WDR72: variants seen among roughly 807,000 people sequenced by gnomAD.
The protein encoded by WDR72 is WD repeat domain 72.
WDR72 carries 120 observed loss-of-function variants against 124.2 expected under a neutral mutation model. The ratio of observed to expected loss-of-function variants is 0.97; its 90% CI spans 0.83 to 1.12. The LOEUF is 1.12. Ranked by LOEUF, WDR72 falls within the 50% of genes most tolerant of loss-of-function variation. The pLI, the probability that WDR72 is intolerant of heterozygous loss-of-function variation, is 0.00. For synonymous variants in WDR72, 452 were observed against 441.7 expected, an observed-to-expected ratio of 1.02 and a Z score of -0.29; for missense variants, 1,387 against 1,278.8, an observed-to-expected ratio of 1.08 and a Z score of -1.29.
chr15:53,709,668 C>G (rs1365489924), intron 9 of WDR72, among the ~76,000 whole-genome samples: 1 of 152,168 alleles, frequency 6.6e-6, no homozygotes, highest in African/African-American at 2.4e-5. Context: ...GACAGCAAAA[C>G]AGGAACCTAT....
intron 16 of WDR72, among the ~76,000 whole-genome samples, chr15:53,612,462 G>A (rs773633614): frequency 1.1e-4 from 17 of 152,074 alleles, no homozygotes; most frequent in Admixed American, 7.2e-4. Context: ...GTAGCGGGTG[G>A]AGGGTGAGCA....
At position 53,714,640 on chromosome 15, in the gene WDR72, T is replaced by A. The variant is rs977953727; in HGVS notation, c.515-130A>T. On this transcript the variant is annotated intron_variant, in intron 5 of 19. Transcript: ENST00000360509. ...AAAATTTTCAGCTTTGGAGTTACTT[T>A]TTAACTAGAAAAAATAAACATTTTA... is the stretch of plus-strand genomic sequence containing the variant. 26 of 698,084 alleles carry A rather than the reference T, an allele frequency of 3.7e-5. No homozygotes were observed. In the African/African-American group the frequency reaches 4.5e-4, roughly 12 times the overall value. 43.2% of individuals were successfully genotyped at this position (698,084 alleles called of 1,614,324 possible). A position where few individuals can be genotyped will look rare whatever the true frequency, so the allele number is the denominator to read the frequency against.
Position 53,701,521 on chromosome 15 carries a change from A to G in WDR72, c.1569+613T>C, listed in dbSNP as rs1166150129. ...ACGCCACTGTACTCCAGCCTGGATG[A>G]CAAAGTGAGACCCTGTCTCTCTCTC... On this transcript the variant is annotated intron_variant, in intron 12 of 19. Coordinates refer to ENST00000360509, the MANE Select transcript of WDR72 (RefSeq NM_182758.4). 2.2e-5 allele frequency among the ~76,000 whole-genome samples: 3 copies of G among 133,386 alleles called. No homozygotes were observed. The East Asian group carries it at 7.6e-4, about 34-fold the overall frequency. The allele number at this position is 133,386 out of a possible 152,430, so 87.5% of individuals were successfully genotyped here.
chr15:53,517,764 AAGC>A lies in WDR72; in HGVS notation c.3254-13_3254-11del. 1 of 1,612,752 alleles carries A rather than the reference AAGC, an allele frequency of 6.2e-7. No homozygotes were observed. Among genetic ancestry groups the A allele is most frequent in the Non-Finnish European group, 8.5e-7 (1 of 1,179,036 alleles). On this transcript the variant is annotated splice_polypyrimidine_tract_variant and intron_variant, in intron 19 of 19. Coordinates refer to ENST00000360509, the MANE Select transcript of WDR72 (RefSeq NM_182758.4). ...TGATGCCTTGGCTCACCTAGGAAAA[AAGC>A]AGATATCTTGGGTTATATGGTGAAA...
rs748071632 is a variant in WDR72, at chr15:53,699,815, G to A, written c.1700C>T (p.Pro567Leu). ...TCCAACAATTAAAAAATTCTCAACC[G>A]GGTGCCATTTTATCATCCTCACAGG... ...LFPVRMIKWH[P>L]VENFLIVGCA... Residue 567 changes from proline (P) to leucine (L), a missense_variant, in exon 13 of 20, where the codon CCG (proline) becomes CTG (leucine). Coordinates refer to ENST00000360509, the MANE Select transcript of WDR72 (RefSeq NM_182758.4). 1.1e-5 allele frequency: 18 copies of A among 1,613,858 alleles called. No homozygotes were observed. The highest frequency in any genetic ancestry group is 3.3e-5 in the Admixed American group (2 of 59,986).
At chr15:53,641,610 G>C (rs529029893) in intron 14 of WDR72, among the ~76,000 whole-genome samples, 3 of 151,828 alleles carry the variant, frequency 2.0e-5, no homozygotes, top group Non-Finnish European at 4.4e-5. Flanking sequence ...CTTGCTCTCT[G>C]GGACTATATC....
intron 14 of WDR72, 92 bp downstream of exon 14, chr15:53,665,480 C>CTA: frequency 7.1e-7 from 1 of 1,411,416 alleles, no homozygotes; most frequent in Non-Finnish European, 1.0e-6. Flanking sequence ...TGTTTTCATG[C>CTA]TGATACTTAA....
rs2614221 is a variant in WDR72, at chr15:53,733,399, T to A, written c.-12-238A>T. Among the ~76,000 whole-genome samples, 9,385 of 152,194 alleles carry A rather than the reference T, an allele frequency of 0.062. 992 individuals carry two copies. Among genetic ancestry groups the A allele is most frequent in the African/African-American group, 0.21 (8,900 of 41,456 alleles). ...CTTATCTTCGAATTCCTTATTATTG[T>A]TGAAGAGAAAGAAAGGAATGGTCTA... On this transcript the variant is annotated intron_variant, in intron 1 of 19. Transcript: ENST00000360509.
At chr15:53,564,625 C>G (rs1394326106) in intron 18 of WDR72, among the ~76,000 whole-genome samples, 1 of 151,868 alleles carries the variant, frequency 6.6e-6, no homozygotes, top group Non-Finnish European at 1.5e-5. Context: ...TTCTGTATGG[C>G]CTTCGATAAA....
In WDR72 at chr15:53,705,240, A is replaced by G. The variant is rs2140530696; in HGVS notation, c.1103-7T>C. On this transcript the variant is annotated splice_polypyrimidine_tract_variant and splice_region_variant and intron_variant, in intron 10 of 19. Coordinates refer to ENST00000360509, the MANE Select transcript of WDR72 (RefSeq NM_182758.4). ...GTGGCAGTTACTGGTATCTCTAAAA[A>G]GAAAACAGACATAAAAAGAAAATTT... 1 of 1,612,126 alleles carries G rather than the reference A, an allele frequency of 6.2e-7. No individual in the cohort carries two copies. Among genetic ancestry groups the G allele is most frequent in the Non-Finnish European group, 8.5e-7 (1 of 1,179,974 alleles).
intron 9 of WDR72, among the ~76,000 whole-genome samples, chr15:53,710,483 C>T (rs185551131): frequency 6.6e-6 from 1 of 151,996 alleles, no homozygotes; most frequent in African/African-American, 2.4e-5. Context: ...TGAAACTTTT[C>T]CAATTATTTG....
At chr15:53,645,480 C>A (rs2015009193) in intron 14 of WDR72, among the ~76,000 whole-genome samples, 1 of 152,014 alleles carries the variant, frequency 6.6e-6, no homozygotes, top group Non-Finnish European at 1.5e-5. Flanking sequence ...TAAAGCAGTT[C>A]TCAGGGTTAT....
intron 14 of WDR72, among the ~76,000 whole-genome samples, chr15:53,629,132 C>G (rs1566992593): frequency 1.3e-5 from 2 of 151,542 alleles, no homozygotes. Flanking sequence ...AAGGCCTTGA[C>G]AAGGTATGCA....
At chr15:53,611,342 A>G (rs1441199306) in intron 16 of WDR72, among the ~76,000 whole-genome samples, 3 of 152,112 alleles carry the variant, frequency 2.0e-5, no homozygotes, top group Non-Finnish European at 2.9e-5. Flanking sequence ...TTCTATAGTA[A>G]CAGTAGCTGC....
At chr15:53,528,348 G>A (rs1034914097) in intron 18 of WDR72, among the ~76,000 whole-genome samples, 3 of 152,088 alleles carry the variant, frequency 2.0e-5, no homozygotes, top group African/African-American at 7.2e-5. Flanking sequence ...TTTGTCTTCA[G>A]TGTGAACTGG....
At position 53,604,515 on chromosome 15, in the gene WDR72, G is replaced by A. The variant is rs113627089; in HGVS notation, c.2952+4998C>T. ...TTAAACTAAAGAGCTTCTGCACAGC[G>A]AAAGAAACTATCAATAGAGCAAACA... is the stretch of plus-strand genomic sequence containing the variant. On this transcript the variant is annotated intron_variant, in intron 17 of 19. Transcript: ENST00000360509. Among the ~76,000 whole-genome samples the A allele has an allele frequency of 1.0e-3, 158 of 152,126 alleles. 1 individual carries two copies. Among genetic ancestry groups the A allele is most frequent in the Non-Finnish European group, 1.8e-3 (120 of 67,950 alleles).
intron 16 of WDR72, among the ~76,000 whole-genome samples, chr15:53,612,004 G>A (rs1205444151): frequency 6.6e-6 from 1 of 152,006 alleles, no homozygotes; most frequent in Non-Finnish European, 1.5e-5. Flanking sequence ...CATTGTATCT[G>A]GGATCACATT....
chr15:53,707,912 G>A (rs1436891725), intron 9 of WDR72, among the ~76,000 whole-genome samples: 1 of 152,166 alleles, frequency 6.6e-6, no homozygotes, highest in African/African-American at 2.4e-5. Flanking sequence ...ATTCTGATTT[G>A]AAAAGGAAGC....
At chr15:53,741,457 A>G (rs2018507075) in intron 1 of WDR72, among the ~76,000 whole-genome samples, 1 of 152,194 alleles carries the variant, frequency 6.6e-6, no homozygotes, top group African/African-American at 2.4e-5. Flanking sequence ...TGCTTTTACC[A>G]TTTATAACCG....
Sources: gnomAD v4.1 joint callset for allele counts (sites outside exome capture counted in the v4.1 genomes callset) on GRCh38, gnomAD v4.1.1 for gene constraint, MANE v1.5 for transcripts, NCBI Gene and HGNC (gene_info 2026-07-23, HGNC 2026-07-21) for gene names.